CBLN2: variants seen among roughly 807,000 people sequenced by gnomAD.
CBLN2 encodes the protein cerebellin 2 precursor.
Under a neutral mutation model 15.0 loss-of-function variants are expected in CBLN2, and 7 were observed. That is an observed-to-expected ratio of 0.47 (90% confidence interval 0.27 to 0.88). The LOEUF (loss-of-function observed/expected upper bound fraction) is 0.88, where lower values mean the gene tolerates loss of function less well. CBLN2 is among the 40% of genes least tolerant of loss of function. The pLI is 0.14. For missense variants in CBLN2, 242 were observed against 304.5 expected, an observed-to-expected ratio of 0.79 and a Z score of 1.53; for synonymous variants, 149 against 135.2, an observed-to-expected ratio of 1.10 and a Z score of -0.71.
intron 1 of CBLN2, among the ~76,000 whole-genome samples, chr18:72,560,530 C>A (rs2069253247): frequency 6.6e-6 from 1 of 152,148 alleles, no homozygotes; most frequent in Non-Finnish European, 1.5e-5. Context: ...TAGAACAAAG[C>A]CAGACTCATT....
chr18:72,540,112 G>A (rs1419003399), intron 3 of CBLN2: 1 of 152,106 alleles, frequency 6.6e-6, no homozygotes, highest in African/African-American at 2.4e-5. Flanking sequence ...CAAACACCTC[G>A]GGATGCCTAT....
At position 72,638,021 on chromosome 18, in the gene CBLN2, T is replaced by C. The variant is rs1444479787; in HGVS notation, c.15+304A>G. Reference sequence around the variant, plus strand: ...ATCCCAAGACTGTGGTAGGAAAGCTTGGAGGGGTTGTGGAAATCGCAGGTT... The same window carrying C: ...ATCCCAAGACTGTGGTAGGAAAGCTCGGAGGGGTTGTGGAAATCGCAGGTT... On this transcript the variant is annotated intron_variant, in intron 1 of 2. Transcript: ENST00000581073. 2.0e-5 allele frequency among the ~76,000 whole-genome samples: 3 copies of C among 152,126 alleles called. No homozygotes were observed. The East Asian group carries it at 5.8e-4, about 29-fold the overall frequency.
chr18:72,627,801 TG>T (rs140738150), intron 1 of CBLN2, among the ~76,000 whole-genome samples: 1,542 of 152,326 alleles, frequency 0.01, 26 homozygotes, highest in African/African-American at 0.035. Flanking sequence ...GTGCTACAAG[TG>T]TTAAAAGTTC....
chr18:72,596,305 T>C (rs1194587580), intron 1 of CBLN2, among the ~76,000 whole-genome samples: 2 of 152,166 alleles, frequency 1.3e-5, no homozygotes, highest in Admixed American at 6.5e-5. Context: ...TTTTTATTAA[T>C]AAAAAATTAA....
At chr18:72,617,383 T>C (rs1474125736) in intron 1 of CBLN2, among the ~76,000 whole-genome samples, 1 of 152,200 alleles carries the variant, frequency 6.6e-6, no homozygotes, top group East Asian at 1.9e-4. Flanking sequence ...TAAATGTGTA[T>C]GCTATATAAG....
chr18:72,624,848 G>A (rs940327040), intron 1 of CBLN2, among the ~76,000 whole-genome samples: 1 of 152,100 alleles, frequency 6.6e-6, no homozygotes, highest in Non-Finnish European at 1.5e-5. Context: ...TAAATATGGG[G>A]AGAAGAAGAC....
chr18:72,572,061 T>C (rs1277705962), intron 1 of CBLN2, among the ~76,000 whole-genome samples: 3 of 152,200 alleles, frequency 2.0e-5, no homozygotes, highest in Non-Finnish European at 2.9e-5. Context: ...AATCTTACCA[T>C]AGAGGCTTTT....
At chr18:72,563,069 A>T in intron 1 of CBLN2, among the ~76,000 whole-genome samples, 1 of 152,274 alleles carries the variant, frequency 6.6e-6, no homozygotes, top group East Asian at 1.9e-4. Flanking sequence ...ACATAGATTT[A>T]GATACAGACA....
intron 1 of CBLN2, among the ~76,000 whole-genome samples, chr18:72,581,259 T>G (rs1375510370): frequency 6.6e-6 from 1 of 152,224 alleles, no homozygotes; most frequent in Non-Finnish European, 1.5e-5. Flanking sequence ...CCTTGAGGAA[T>G]AAATTGCTTA....
chr18:72,600,841 G>A (rs745674942), intron 1 of CBLN2, among the ~76,000 whole-genome samples: 2 of 152,134 alleles, frequency 1.3e-5, no homozygotes, highest in African/African-American at 2.4e-5. Context: ...AATCATAGGG[G>A]TGTGGAAAAC....
At position 72,560,730 on chromosome 18, in the gene CBLN2, C is replaced by T. The variant is rs539332720; in HGVS notation, c.16-21958G>A. Among the ~76,000 whole-genome samples the T allele has an allele frequency of 8.1e-4, 124 of 152,268 alleles. 2 individuals carry two copies. Among genetic ancestry groups the T allele is most frequent in the Non-Finnish European group, 1.6e-3 (106 of 68,014 alleles). Reference sequence around the variant, plus strand: ...ATGAATTTAAAAAATAAAAATAGGCCGGGTGTGGTGGCTCACGCCTGTAAT... The same window carrying T: ...ATGAATTTAAAAAATAAAAATAGGCTGGGTGTGGTGGCTCACGCCTGTAAT... On this transcript the variant is annotated intron_variant, in intron 1 of 2. Transcript: ENST00000581073.
At chr18:72,616,858 G>GTGTCTGT (rs1427958158) in intron 1 of CBLN2, among the ~76,000 whole-genome samples, 1 of 152,054 alleles carries the variant, frequency 6.6e-6, no homozygotes, top group African/African-American at 2.4e-5. Flanking sequence ...ATTTCTGTGT[G>GTGTCTGT]TGTCTGTGTG....
intron 1 of CBLN2, among the ~76,000 whole-genome samples, chr18:72,557,279 C>G (rs1351339298): frequency 6.6e-6 from 1 of 152,102 alleles, no homozygotes. Flanking sequence ...TATCCAGTCT[C>G]TCATTGATGG....
intron 3 of CBLN2, chr18:72,540,394 T>C (rs974822251): frequency 3.3e-5 from 5 of 152,208 alleles, no homozygotes; most frequent in African/African-American, 1.2e-4. Flanking sequence ...AGTTTGCTCA[T>C]GTATAAAATT....
At chr18:72,608,558 G>A (rs2069599937) in intron 1 of CBLN2, among the ~76,000 whole-genome samples, 1 of 152,094 alleles carries the variant, frequency 6.6e-6, no homozygotes, top group South Asian at 2.1e-4. Flanking sequence ...ATTTTATTAG[G>A]GAGCAGCAAG....
chr18:72,635,356 G>T (rs1419958299), intron 1 of CBLN2, among the ~76,000 whole-genome samples: 1 of 152,088 alleles, frequency 6.6e-6, no homozygotes, highest in African/African-American at 2.4e-5. Context: ...ACAAAAATTT[G>T]TTTTTATTTT....
At chr18:72,567,997 T>C (rs898158296) in intron 1 of CBLN2, among the ~76,000 whole-genome samples, 9 of 152,242 alleles carry the variant, frequency 5.9e-5, no homozygotes, top group Admixed American at 5.9e-4. Flanking sequence ...TTTTTTGTTG[T>C]TGTTGTTTAC....
At position 72,622,380 on chromosome 18, in the gene CBLN2, T is replaced by C. The variant is rs542946788; in HGVS notation, c.15+15945A>G. Among the ~76,000 whole-genome samples, 5 of 152,092 alleles carry C rather than the reference T, an allele frequency of 3.3e-5. No individual in the cohort carries two copies. In the South Asian group the frequency reaches 1.0e-3, roughly 32 times the overall value. ...CTAGATACTTTAAGCTAAGGTTGAC[T>C]TTCTGGGGCCAATGCTTACAATGCC... On this transcript the variant is annotated intron_variant, in intron 1 of 2. Transcript: ENST00000581073.
chr18:72,620,678 G>A (rs1052228448), intron 1 of CBLN2: 2 of 152,188 alleles, frequency 1.3e-5, no homozygotes, highest in African/African-American at 4.8e-5. Context: ...AGGATTTTCT[G>A]CTAGAAGGCA....
Sources: gnomAD v4.1 joint callset for allele counts (sites outside exome capture counted in the v4.1 genomes callset) on GRCh38, gnomAD v4.1.1 for gene constraint, MANE v1.5 for transcripts, NCBI Gene and HGNC (gene_info 2026-07-23, HGNC 2026-07-21) for gene names.